LHFPL3: variants seen among roughly 807,000 people sequenced by gnomAD.
The protein encoded by LHFPL3 is LHFPL tetraspan subfamily member 3.
A neutral mutation model predicts 19.3 loss-of-function variants in LHFPL3; 5 were observed. The ratio of observed to expected loss-of-function variants is 0.26; its 90% CI spans 0.14 to 0.54. The LOEUF (loss-of-function observed/expected upper bound fraction) is 0.54, where lower values mean the gene tolerates loss of function less well. Among genes scored for constraint, LHFPL3 ranks in the 20% least tolerant of loss-of-function variants. The probability of loss-of-function intolerance (pLI) is 0.94; values close to 1 mark genes in which losing one functional copy is unlikely to be tolerated. For missense variants in LHFPL3, 249 were observed against 307.4 expected (o/e 0.81, Z 1.42); for synonymous variants, 133 against 126.2 (o/e 1.05, Z -0.36).
At chr7:104,778,811 G>A (rs993009541) in intron 2 of LHFPL3, among the ~76,000 whole-genome samples, 1 of 152,214 alleles carries the variant, frequency 6.6e-6, no homozygotes, top group Non-Finnish European at 1.5e-5. Context: ...ACCATTCTGT[G>A]TTTCGGCATC....
At chr7:104,598,863 G>C (rs1483439922) in intron 1 of LHFPL3, among the ~76,000 whole-genome samples, 1 of 152,224 alleles carries the variant, frequency 6.6e-6, no homozygotes, top group Non-Finnish European at 1.5e-5. Context: ...AAAAAGGATT[G>C]TATTGACAGG....
At chr7:104,492,554 C>T (rs1185043246) in intron 1 of LHFPL3, among the ~76,000 whole-genome samples, 1 of 152,230 alleles carries the variant, frequency 6.6e-6, no homozygotes, top group Non-Finnish European at 1.5e-5. Context: ...CCGTGTTTTG[C>T]ATTTGGAACC....
rs1286211172 is a variant in LHFPL3 at position 104,458,182 on chromosome 7, T to A, written c.445+128958T>A. Among the ~76,000 whole-genome samples the A allele has an allele frequency of 2.0e-5, 3 of 151,968 alleles. 1 individual carries two copies. The highest frequency in any genetic ancestry group is 2.0e-4 in the Admixed American group (3 of 15,278). Reference sequence around the variant, plus strand: ...TGCTTTTGGTGTTTTAGACATGAAGTCCTTGCCCATGCCTATGTCCTGAAT... The same window carrying A: ...TGCTTTTGGTGTTTTAGACATGAAGACCTTGCCCATGCCTATGTCCTGAAT... On this transcript the variant is annotated intron_variant, in intron 1 of 2. Coordinates refer to ENST00000424859, the MANE Select transcript of LHFPL3 (RefSeq NM_199000.3).
intron 1 of LHFPL3, among the ~76,000 whole-genome samples, chr7:104,438,285 C>T (rs931665763): frequency 6.9e-6 from 1 of 145,180 alleles, no homozygotes; most frequent in Non-Finnish European, 1.5e-5. Context: ...GAATGAATTT[C>T]ACATGTGGTG....
intron 2 of LHFPL3, among the ~76,000 whole-genome samples, chr7:104,824,289 ATATAT>A (rs1255631315): frequency 5.1e-5 from 1 of 19,508 alleles, no homozygotes; most frequent in African/African-American, 2.2e-4. Context: ...AATATATATA[ATATAT>A]TATATATTAT....
intron 1 of LHFPL3, among the ~76,000 whole-genome samples, chr7:104,693,449 C>T (rs889892728): frequency 2.6e-5 from 4 of 152,124 alleles, no homozygotes; most frequent in African/African-American, 9.7e-5. Flanking sequence ...CCCATAATCC[C>T]TATGTGTCAT....
At chr7:104,604,539 T>G (rs898470166) in intron 1 of LHFPL3, among the ~76,000 whole-genome samples, 2 of 152,232 alleles carry the variant, frequency 1.3e-5, no homozygotes, top group Non-Finnish European at 2.9e-5. Flanking sequence ...ACATACCTTT[T>G]CAATCTTTAC....
intron 1 of LHFPL3, among the ~76,000 whole-genome samples, chr7:104,411,776 C>A (rs2116514103): frequency 6.6e-6 from 1 of 152,140 alleles, no homozygotes; most frequent in African/African-American, 2.4e-5. Context: ...AATATGTTCG[C>A]TTTAGAAGTA....
At chr7:104,582,194 A>G (rs1463880432) in intron 1 of LHFPL3, among the ~76,000 whole-genome samples, 2 of 151,654 alleles carry the variant, frequency 1.3e-5, no homozygotes. Flanking sequence ...TCCTTTTTTC[A>G]AGTTCCTTTT....
intron 1 of LHFPL3, among the ~76,000 whole-genome samples, chr7:104,615,587 A>C (rs1584440902): frequency 6.6e-6 from 1 of 152,186 alleles, no homozygotes; most frequent in Admixed American, 6.5e-5. Context: ...GGTTTGTTAC[A>C]TAGGTATACA....
intron 2 of LHFPL3, among the ~76,000 whole-genome samples, chr7:104,809,492 G>A (rs1450383233): frequency 6.6e-6 from 1 of 152,120 alleles, no homozygotes; most frequent in African/African-American, 2.4e-5. Flanking sequence ...TTTTCTATTA[G>A]GAAAAATCCC....
intron 1 of LHFPL3, among the ~76,000 whole-genome samples, chr7:104,333,701 A>G (rs1801611420): frequency 6.6e-6 from 1 of 152,232 alleles, no homozygotes; most frequent in Non-Finnish European, 1.5e-5. Context: ...CTGCAAGAAG[A>G]GCCTTTGAAA....
intron 1 of LHFPL3, among the ~76,000 whole-genome samples, chr7:104,377,438 G>A (rs1218460095): frequency 6.6e-6 from 1 of 152,218 alleles, no homozygotes; most frequent in East Asian, 1.9e-4. Flanking sequence ...GCACACATAA[G>A]TAGGAGGAAA....
chr7:104,714,249 C>G (rs1483166773), intron 1 of LHFPL3, among the ~76,000 whole-genome samples: 1 of 152,112 alleles, frequency 6.6e-6, no homozygotes, highest in African/African-American at 2.4e-5. Flanking sequence ...TACCTACTGC[C>G]TTTTTCAATT....
intron 1 of LHFPL3, among the ~76,000 whole-genome samples, chr7:104,583,297 T>C (rs935950074): frequency 2.6e-5 from 4 of 152,102 alleles, no homozygotes; most frequent in Admixed American, 6.6e-5. Context: ...TTACACCTTA[T>C]ACAAAAATTA....
At chr7:104,621,288 T>C (rs1051561217) in intron 1 of LHFPL3, among the ~76,000 whole-genome samples, 9 of 152,224 alleles carry the variant, frequency 5.9e-5, no homozygotes, top group African/African-American at 1.9e-4. Flanking sequence ...TAGAAAATCC[T>C]AACATTCTAT....
chr7:104,435,519 A>T lies in LHFPL3; in HGVS notation c.445+106295A>T, dbSNP rs1387528076. Reference sequence around the variant, plus strand: ...TTTATAAAAATATTTTTTATAAAAAAAGTCATTTTTATAAAATGACTTTTA... The same window carrying T: ...TTTATAAAAATATTTTTTATAAAAATAGTCATTTTTATAAAATGACTTTTA... On this transcript the variant is annotated intron_variant, in intron 1 of 2. Coordinates refer to ENST00000424859, the MANE Select transcript of LHFPL3 (RefSeq NM_199000.3). 3.3e-5 allele frequency among the ~76,000 whole-genome samples: 5 copies of T among 150,744 alleles called. No homozygotes were observed. In the South Asian group the frequency reaches 8.3e-4, roughly 25 times the overall value.
intron 1 of LHFPL3, among the ~76,000 whole-genome samples, chr7:104,542,512 C>T (rs989435326): frequency 1.3e-5 from 2 of 152,072 alleles, no homozygotes; most frequent in African/African-American, 4.8e-5. Context: ...CTAAATTAGT[C>T]CTATAGAGAA....
chr7:104,672,726 T>G (rs961208729), intron 1 of LHFPL3, among the ~76,000 whole-genome samples: 1 of 152,200 alleles, frequency 6.6e-6, no homozygotes, highest in Non-Finnish European at 1.5e-5. Context: ...GCCTTGGCAT[T>G]TGTGGACTCA....
Sources: allele counts gnomAD v4.1 joint callset (sites outside exome capture counted in the v4.1 genomes callset), GRCh38; gene constraint gnomAD v4.1.1; transcripts MANE v1.5; gene names NCBI Gene and HGNC (gene_info 2026-07-23, HGNC 2026-07-21).